The following DIAPH2 variants were observed in gnomAD, a reference collection of about 807,000 sequenced individuals.
DIAPH2 encodes diaphanous related formin 2, also known as protein diaphanous homolog 2.
DIAPH2 carries 35 observed loss-of-function variants against 92.7 expected under a neutral mutation model. The ratio of observed to expected loss-of-function variants is 0.38; its 90% CI spans 0.29 to 0.50. The LOEUF is 0.50. DIAPH2 is among the 20% of genes least tolerant of loss of function. The pLI is 0.94. For missense variants in DIAPH2, 701 were observed against 819.5 expected (o/e 0.86, Z 1.77); for synonymous variants, 301 against 280.4 (o/e 1.07, Z -0.73).
intron 1 of DIAPH2, among the ~76,000 whole-genome samples, chrX:96,695,016 C>T (rs1448545564): frequency 2.0e-5 from 2 of 100,586 alleles, no homozygotes; most frequent in East Asian, 3.2e-4. Flanking sequence ...GGCATGATTT[C>T]GGCTCACTGC....
At chrX:96,911,671 G>A (rs181520373) in intron 5 of DIAPH2, among the ~76,000 whole-genome samples, 4,340 of 111,100 alleles carry the variant, frequency 0.039, 105 homozygotes, top group Middle Eastern at 0.083. Flanking sequence ...ATAGCAGCCT[G>A]CCACTCCTTT....
chrX:97,302,410 A>G (rs2068714691), intron 23 of DIAPH2, among the ~76,000 whole-genome samples: 1 of 108,412 alleles, frequency 9.2e-6, no homozygotes, highest in Admixed American at 1.0e-4. Context: ...GCATGCCTGT[A>G]ATCCTAGCTA....
chrX:96,922,749 T>A (rs1259743502), intron 9 of DIAPH2, among the ~76,000 whole-genome samples: 1 of 111,999 alleles, frequency 8.9e-6, no homozygotes, highest in Non-Finnish European at 1.9e-5. Context: ...TGTAGACTTT[T>A]AAATGCTCTC....
intron 19 of DIAPH2, among the ~76,000 whole-genome samples, chrX:97,091,053 C>A (rs1320094719): frequency 9.0e-6 from 1 of 111,357 alleles, no homozygotes; most frequent in Non-Finnish European, 1.9e-5. Context: ...GTTGCCCAGG[C>A]TGGAGTGCAG....
intron 17 of DIAPH2, among the ~76,000 whole-genome samples, chrX:96,970,096 ATGT>A (rs1269406111): frequency 9.0e-6 from 1 of 111,543 alleles, no homozygotes; most frequent in Non-Finnish European, 1.9e-5. Context: ...TAACTTTCTG[ATGT>A]TGTGCTTGAT....
intron 25 of DIAPH2, among the ~76,000 whole-genome samples, chrX:97,412,885 C>G (rs2069893079): frequency 8.9e-6 from 1 of 112,015 alleles, no homozygotes; most frequent in Non-Finnish European, 1.9e-5. Flanking sequence ...AGACCAATAA[C>G]AGGCTCTGAA....
At chrX:97,352,499 T>G (rs1469869413) in intron 24 of DIAPH2, among the ~76,000 whole-genome samples, 1 of 110,299 alleles carries the variant, frequency 9.1e-6, no homozygotes, top group Non-Finnish European at 1.9e-5. Context: ...TATCAAGGTA[T>G]ATATAATTAG....
chrX:96,957,581 G>A (rs757316123), intron 15 of DIAPH2, among the ~76,000 whole-genome samples: 4 of 111,238 alleles, frequency 3.6e-5, no homozygotes, highest in Non-Finnish European at 7.5e-5. Flanking sequence ...CCTAGCATTT[G>A]TGTGTTAACA....
At chrX:97,025,369 C>A (rs1025046187) in intron 17 of DIAPH2, among the ~76,000 whole-genome samples, 2 of 96,506 alleles carry the variant, frequency 2.1e-5, no homozygotes, top group Non-Finnish European at 4.1e-5. Flanking sequence ...AAAAGAGTTA[C>A]AGCCGGGCGT....
intron 1 of DIAPH2, among the ~76,000 whole-genome samples, chrX:96,707,384 C>T (rs1384976845): frequency 9.2e-6 from 1 of 109,246 alleles, no homozygotes; most frequent in African/African-American, 3.3e-5. Context: ...TTGGCCAGGC[C>T]GGTCTTGAAC....
At chrX:96,853,945 A>T (rs757915072) in intron 4 of DIAPH2, among the ~76,000 whole-genome samples, 1 of 111,950 alleles carries the variant, frequency 8.9e-6, no homozygotes, top group Non-Finnish European at 1.9e-5. Flanking sequence ...CGTAAAGAAG[A>T]TCTATATACT....
At chrX:97,117,607 A>G (rs1026178032) in intron 21 of DIAPH2, among the ~76,000 whole-genome samples, 11 of 112,187 alleles carry the variant, frequency 9.8e-5, no homozygotes, top group Non-Finnish European at 1.5e-4. Flanking sequence ...TAAAATATTC[A>G]CCTAGGTAAA....
chrX:96,936,715 C>T lies in DIAPH2; in HGVS notation c.1090-518C>T, dbSNP rs191518334. On this transcript the variant is annotated intron_variant, in intron 10 of 26. Coordinates refer to ENST00000324765, the MANE Select transcript of DIAPH2 (RefSeq NM_006729.5). ...TGTACAGCTTAATAAAAAGTCCAAA[C>T]GCCTTTTTGCTTTAAAATCACAAAA... Among the ~76,000 whole-genome samples the T allele has an allele frequency of 1.4e-3, 154 of 111,720 alleles. 1 individual carries two copies. Among genetic ancestry groups the T allele is most frequent in the African/African-American group, 4.7e-3 (145 of 30,853 alleles).
chrX:97,318,482 C>CTT lies in DIAPH2; in HGVS notation c.2845-29608_2845-29607dup, dbSNP rs745350367. Among the ~76,000 whole-genome samples, 116 of 46,315 alleles carry CTT rather than the reference C, an allele frequency of 2.5e-3. 14 individuals are homozygous for CTT. Among genetic ancestry groups the CTT allele is most frequent in the African/African-American group, 9.7e-3 (107 of 11,005 alleles). The allele number at this position is 46,315 out of a possible 115,157, so 40.2% of individuals were successfully genotyped here. ...TTACAGTTTTCTTTTTTTTTCTTTA[C>CTT]TTTTTTTTTTTTTTTTTTTTTTTTT... is the stretch of plus-strand genomic sequence containing the variant. On this transcript the variant is annotated intron_variant, in intron 23 of 26. Coordinates refer to ENST00000324765, the MANE Select transcript of DIAPH2 (RefSeq NM_006729.5).
intron 26 of DIAPH2, among the ~76,000 whole-genome samples, chrX:97,569,728 A>G (rs2071351528): frequency 9.0e-6 from 1 of 110,584 alleles, no homozygotes; most frequent in Admixed American, 9.7e-5. Flanking sequence ...ATTATATGGG[A>G]TCACCAGATG....
intron 4 of DIAPH2, among the ~76,000 whole-genome samples, chrX:96,806,876 G>T (rs934039872): frequency 9.3e-6 from 1 of 107,732 alleles, no homozygotes; most frequent in African/African-American, 3.4e-5. Flanking sequence ...GAGTAGCTGG[G>T]ACTACAGGCG....
At chrX:96,810,122 A>G (rs1170537146) in intron 4 of DIAPH2, among the ~76,000 whole-genome samples, 1 of 112,281 alleles carries the variant, frequency 8.9e-6, no homozygotes, top group Non-Finnish European at 1.9e-5. Context: ...GAACTAGTTT[A>G]CACTCCCATC....
At chrX:97,550,618 G>A (rs2071212984) in intron 26 of DIAPH2, among the ~76,000 whole-genome samples, 1 of 111,389 alleles carries the variant, frequency 9.0e-6, no homozygotes, top group Admixed American at 9.6e-5. Context: ...AATGTCACGT[G>A]AAGTTCTTAA....
intron 10 of DIAPH2, among the ~76,000 whole-genome samples, chrX:96,933,283 T>A (rs193293301): frequency 7.3e-5 from 8 of 110,019 alleles, no homozygotes. Context: ...TCCATTTCCC[T>A]TTTTCTTTTT....
Sources: allele counts gnomAD v4.1 joint callset (sites outside exome capture counted in the v4.1 genomes callset), GRCh38; gene constraint gnomAD v4.1.1; transcripts MANE v1.5; gene names NCBI Gene and HGNC (gene_info 2026-07-23, HGNC 2026-07-21).